The following SRGAP3 variants were observed in gnomAD, a reference collection of about 807,000 sequenced individuals.
The protein encoded by SRGAP3 is SLIT-ROBO Rho GTPase-activating protein 3.
In SRGAP3, 39 loss-of-function variants were observed where a neutral mutation model predicts 121.1. That is an observed-to-expected ratio of 0.32 (90% CI 0.25 to 0.42). The LOEUF (loss-of-function observed/expected upper bound fraction) is 0.42, where lower values mean the gene tolerates loss of function less well. Among genes scored for constraint, SRGAP3 ranks in the 10% least tolerant of loss-of-function variants. The pLI is 1.00. For missense variants in SRGAP3, 1,213 were observed against 1,470.6 expected, an observed-to-expected ratio of 0.82 and a Z score of 2.86; for synonymous variants, 601 against 570.0, an observed-to-expected ratio of 1.05 and a Z score of -0.77.
At chr3:8,992,488 G>A (rs1574860421) in intron 20 of SRGAP3, 2 of 359,244 alleles carry the variant, frequency 5.6e-6, no homozygotes, top group African/African-American at 4.0e-5. Context: ...ACATGAGTAG[G>A]TGTGAGTTTT....
chr3:9,170,178 C>T (rs763732475), intron 1 of SRGAP3, among the ~76,000 whole-genome samples: 2 of 152,108 alleles, frequency 1.3e-5, no homozygotes, highest in African/African-American at 2.4e-5. Context: ...GGTGAATGTC[C>T]GTAGAAGAAA....
rs555052387 is a variant in SRGAP3, at chr3:9,072,726, C to G, written c.486+7299G>C. 1.6e-4 allele frequency among the ~76,000 whole-genome samples: 24 copies of G among 152,380 alleles called. 1 individual carries two copies. The East Asian group carries it at 4.2e-3, about 27-fold the overall frequency. On this transcript the variant is annotated intron_variant, in intron 4 of 21. Transcript: ENST00000383836. ...CGAGTGTCAGAGCCCCACTATCTGG[C>G]ACTGGGTCAGTGTTGCCACTTGTGT...
intron 3 of SRGAP3, among the ~76,000 whole-genome samples, chr3:9,269,796 T>A (rs1454518130): frequency 6.6e-6 from 1 of 152,072 alleles, no homozygotes; most frequent in Non-Finnish European, 1.5e-5. Context: ...AATTAACTCA[T>A]TACCTGTCAT....
intron 3 of SRGAP3, among the ~76,000 whole-genome samples, chr3:9,260,252 G>A (rs1226389240): frequency 1.3e-5 from 2 of 152,176 alleles, no homozygotes; most frequent in Non-Finnish European, 2.9e-5. Flanking sequence ...GCTAGCTGCA[G>A]GAGTTTTTTT....
chr3:9,256,109 C>G (rs1954127536), intron 3 of SRGAP3, among the ~76,000 whole-genome samples: 1 of 152,104 alleles, frequency 6.6e-6, no homozygotes, highest in Admixed American at 6.5e-5. Context: ...GTTCACCAGT[C>G]CCCGCTTCCT....
intron 1 of SRGAP3, among the ~76,000 whole-genome samples, chr3:9,202,834 C>G (rs1952114728): frequency 6.6e-6 from 1 of 152,272 alleles, no homozygotes; most frequent in African/African-American, 2.4e-5. Flanking sequence ...TGGCTGACAG[C>G]TCCCAGCGGA....
At chr3:9,183,767 A>AACACACAC (rs62971361) in intron 1 of SRGAP3, among the ~76,000 whole-genome samples, 6 of 148,150 alleles carry the variant, frequency 4.0e-5, no homozygotes, top group African/African-American at 1.0e-4. Context: ...CAAATTTGCT[A>AACACACAC]ACACACACAC....
intron 1 of SRGAP3, among the ~76,000 whole-genome samples, chr3:9,190,037 C>T (rs997915040): frequency 2.6e-5 from 4 of 152,142 alleles, no homozygotes; most frequent in Non-Finnish European, 5.9e-5. Context: ...CCCCGCTTAA[C>T]GGGTGAAATT....
chr3:9,148,951 C>A lies in SRGAP3; in HGVS notation c.68-24034G>T, dbSNP rs183148622. 2.5e-3 allele frequency among the ~76,000 whole-genome samples: 378 copies of A among 152,260 alleles called. 1 individual carries two copies. The highest frequency in any genetic ancestry group is 7.5e-3 in the African/African-American group (313 of 41,552). On this transcript the variant is annotated intron_variant, in intron 1 of 21. Transcript: ENST00000383836. Reference sequence around the variant, plus strand: ...AAACTGGAGACTGGGTATGGGGGCTCACTCCTGTAATACCAGCACTTTGGG... The same window carrying A: ...AAACTGGAGACTGGGTATGGGGGCTAACTCCTGTAATACCAGCACTTTGGG...
chr3:9,350,023 C>T (rs2030022146), intron 1 of SRGAP3: 1 of 151,802 alleles, frequency 6.6e-6, no homozygotes, highest in Non-Finnish European at 1.5e-5. Flanking sequence ...TTGAGCATAG[C>T]AGTACTAAAT....
chr3:9,005,985 G>A (rs1943047758), intron 18 of SRGAP3, among the ~76,000 whole-genome samples: 1 of 152,136 alleles, frequency 6.6e-6, no homozygotes, highest in African/African-American at 2.4e-5. Context: ...TCCTTCGTAG[G>A]TATAAGGCCT....
chr3:9,155,917 G>A (rs1237391000), intron 1 of SRGAP3, among the ~76,000 whole-genome samples: 4 of 152,168 alleles, frequency 2.6e-5, no homozygotes, highest in Admixed American at 1.3e-4. Context: ...CCGGGTTCAC[G>A]CCATTCTCCT....
chr3:9,220,304 ATG>A (rs370362034), intron 1 of SRGAP3, among the ~76,000 whole-genome samples: 2,189 of 90,206 alleles, frequency 0.024, 45 homozygotes, highest in African/African-American at 0.078. Flanking sequence ...CCCCATAAAC[ATG>A]TGCAATTATT....
chr3:9,167,165 G>T (rs997720270), intron 1 of SRGAP3, among the ~76,000 whole-genome samples: 5 of 152,066 alleles, frequency 3.3e-5, no homozygotes, highest in Non-Finnish European at 5.9e-5. Flanking sequence ...GGAGAAAGGG[G>T]GAGGATTGAT....
chr3:9,193,578 AC>A (rs1342419878), intron 1 of SRGAP3: 1 of 152,236 alleles, frequency 6.6e-6, no homozygotes, highest in African/African-American at 2.4e-5. Context: ...CCTGGGCCAG[AC>A]CCTGGGGAGG....
At chr3:9,219,469 G>A (rs1952734201) in intron 1 of SRGAP3, 1 of 152,148 alleles carries the variant, frequency 6.6e-6, no homozygotes, top group South Asian at 2.1e-4. Flanking sequence ...ATTTACAGAT[G>A]AGGGGGCTTG....
intron 18 of SRGAP3, among the ~76,000 whole-genome samples, chr3:9,006,103 CT>C (rs200123745): frequency 1.8e-5 from 1 of 54,168 alleles, no homozygotes; most frequent in Non-Finnish European, 4.0e-5. Context: ...TTCTTAATTT[CT>C]TATGAAAAGG....
chr3:9,354,096 AT>A (rs1200401016), intron 1 of SRGAP3, among the ~76,000 whole-genome samples: 2 of 150,042 alleles, frequency 1.3e-5, no homozygotes, highest in Non-Finnish European at 2.9e-5. Flanking sequence ...AACAAACTAC[AT>A]TGGGTTGTAG....
intron 14 of SRGAP3, among the ~76,000 whole-genome samples, chr3:9,024,616 T>C (rs59181497): frequency 0.043 from 6,540 of 152,242 alleles, 484 homozygotes; most frequent in African/African-American, 0.15. Context: ...CCTGGTCTAG[T>C]GGTCCACCTC....
Sources: allele counts gnomAD v4.1 joint callset (sites outside exome capture counted in the v4.1 genomes callset), GRCh38; gene constraint gnomAD v4.1.1; transcripts MANE v1.5; gene names NCBI Gene and HGNC (gene_info 2026-07-23, HGNC 2026-07-21).